Variants in CTCF observed in about 807,000 individuals in gnomAD.
CTCF encodes the protein CCCTC-binding factor, also known as transcriptional repressor CTCF.
Under a neutral mutation model 72.3 loss-of-function variants are expected in CTCF, and 7 were observed. The ratio of observed to expected loss-of-function variants is 0.10; its 90% confidence interval spans 0.06 to 0.18. CTCF has a LOEUF of 0.18. Ranked by LOEUF, CTCF falls within the 10% of genes least tolerant of loss-of-function variation. The pLI is 1.00. For synonymous variants in CTCF, 374 were observed against 315.8 expected (o/e 1.18, Z -1.95); for missense variants, 516 against 949.1 (o/e 0.54, Z 6.00).
intron 2 of CTCF, among the ~76,000 whole-genome samples, chr16:67,591,549 G>T (rs1162722945): frequency 2.0e-5 from 3 of 152,136 alleles, no homozygotes; most frequent in African/African-American, 7.2e-5. Flanking sequence ...TAAGATGATG[G>T]CGTATATGTT....
At chr16:67,591,356 C>T (rs2051741748) in intron 2 of CTCF, among the ~76,000 whole-genome samples, 1 of 152,088 alleles carries the variant, frequency 6.6e-6, no homozygotes. Flanking sequence ...TAGATGAGTG[C>T]TTTTTCAGAT....
chr16:67,624,135 G>A (rs866870816), intron 7 of CTCF, among the ~76,000 whole-genome samples: 35 of 136,914 alleles, frequency 2.6e-4, no homozygotes, highest in Non-Finnish European at 1.5e-4. Context: ...GTATATATAT[G>A]TGTGTGTGTG....
intron 10 of CTCF, among the ~76,000 whole-genome samples, chr16:67,632,548 A>G (rs531698835): frequency 8.5e-5 from 13 of 152,328 alleles, no homozygotes; most frequent in Admixed American, 3.3e-4. Context: ...TCGGCTGTCT[A>G]CAGAGATTGA....
intron 1 of CTCF, chr16:67,570,602 C>G (rs546063523): frequency 1.3e-5 from 2 of 151,512 alleles, no homozygotes; most frequent in African/African-American, 2.4e-5. Flanking sequence ...CCACCACACC[C>G]GGCTAATTTT....
At position 67,626,566 on chromosome 16, in the gene CTCF, C is replaced by T; in HGVS notation, c.1369C>T (p.Arg457Ter). The T allele has an allele frequency of 6.7e-7, 1 of 1,492,808 alleles. No individual in the cohort carries two copies. Among genetic ancestry groups the T allele is most frequent in the Non-Finnish European group, 9.0e-7 (1 of 1,114,344 alleles). The allele number at this position is 1,492,808 out of a possible 1,614,324, so 92.5% of individuals were successfully genotyped here. A position where few individuals can be genotyped will look rare whatever the true frequency, so the allele number is the denominator to read the frequency against. ...TACTGTGCTTTCAGGTGTCCACTTG[C>T]GAAAGCAGCATTCCTATATTGAGCA... ...ARKSDLGVHL[R>*]KQHSYIEQGK... Residue 457 changes from arginine to a stop codon, truncating the protein, a stop_gained, in exon 8 of 12, where the codon CGA becomes TGA. Coordinates refer to ENST00000264010, the MANE Select transcript of CTCF (RefSeq NM_006565.4). LOFTEE classifies it high-confidence loss of function.
chr16:67,628,109 A>C (rs1394629726), intron 8 of CTCF, among the ~76,000 whole-genome samples: 1 of 152,108 alleles, frequency 6.6e-6, no homozygotes, highest in Non-Finnish European at 1.5e-5. Context: ...AAAAAACAAA[A>C]AAAATTAGCC....
At chr16:67,591,470 A>T (rs2051743045) in intron 2 of CTCF, among the ~76,000 whole-genome samples, 1 of 152,092 alleles carries the variant, frequency 6.6e-6, no homozygotes, top group South Asian at 2.1e-4. Flanking sequence ...CTCATTCTTT[A>T]TTGTAGTCTA....
intron 10 of CTCF, among the ~76,000 whole-genome samples, chr16:67,631,705 T>C: frequency 8.2e-6 from 1 of 122,278 alleles, no homozygotes; most frequent in Non-Finnish European, 1.6e-5. Context: ...TTTTTTTCCT[T>C]TTTTTAAATG....
rs148391221 is a variant in CTCF, at chr16:67,575,164, G to A, written c.-10+3900G>A. Reference sequence around the variant, plus strand: ...TTCAGGAGGCTGAGGCCGGAGGATCGTCTGAGCTGAGAAGGTTGAGGTTGC... The same window carrying A: ...TTCAGGAGGCTGAGGCCGGAGGATCATCTGAGCTGAGAAGGTTGAGGTTGC... On this transcript the variant is annotated intron_variant, in intron 2 of 11. Coordinates refer to ENST00000264010, the MANE Select transcript of CTCF (RefSeq NM_006565.4). Among the ~76,000 whole-genome samples, 9 of 152,262 alleles carry A rather than the reference G, an allele frequency of 5.9e-5. No individual in the cohort carries two copies. In the East Asian group the frequency reaches 1.4e-3, roughly 23 times the overall value.
At position 67,636,569 on chromosome 16, in the gene CTCF, G is replaced by GTATATATATATA. The variant is rs66893507; in HGVS notation, c.1838-111_1838-100dup. 578 of 244,692 alleles carry GTATATATATATA rather than the reference G, an allele frequency of 2.4e-3. 4 individuals carry two copies. The highest frequency in any genetic ancestry group is 0.014 in the African/African-American group (551 of 38,878). 15.2% of individuals were successfully genotyped at this position (244,692 alleles called of 1,614,324 possible). On this transcript the variant is annotated intron_variant, in intron 10 of 11. Coordinates refer to ENST00000264010, the MANE Select transcript of CTCF (RefSeq NM_006565.4). ...TCAAAAAAAAAAAAAGAAAGAAAGT[G>GTATATATATATA]TATATATATATATATATATATTTAT... is the stretch of plus-strand genomic sequence containing the variant.
At chr16:67,631,165 G>GTTTTTTTTTT (rs931210083) in intron 10 of CTCF, among the ~76,000 whole-genome samples, 3 of 131,128 alleles carry the variant, frequency 2.3e-5, no homozygotes, top group African/African-American at 6.2e-5. Context: ...TTTTTTTTTT[G>GTTTTTTTTTT]TTTTTTGTTT....
chr16:67,601,061 T>C (rs1219232588), intron 2 of CTCF, among the ~76,000 whole-genome samples: 1 of 152,058 alleles, frequency 6.6e-6, no homozygotes, highest in African/African-American at 2.4e-5. Flanking sequence ...TTGGAGCTGC[T>C]AGTGTCGGGA....
intron 2 of CTCF, among the ~76,000 whole-genome samples, chr16:67,601,258 TG>T (rs758789045): frequency 2.0e-3 from 268 of 134,156 alleles, no homozygotes; most frequent in African/African-American, 6.8e-3. Context: ...GTGTGTGTTT[TG>T]TTTTGTTTTT....
intron 9 of CTCF, among the ~76,000 whole-genome samples, chr16:67,628,842 C>T (rs1367522175): frequency 1.3e-5 from 2 of 152,098 alleles, no homozygotes; most frequent in Non-Finnish European, 2.9e-5. Flanking sequence ...GGGTGGATCA[C>T]GAGGTCAGGA....
intron 10 of CTCF, 48 bp from the exon 11 acceptor site, chr16:67,636,642 C>T (rs757932597): frequency 7.0e-7 from 1 of 1,419,344 alleles, no homozygotes; most frequent in South Asian, 1.5e-5. Context: ...CATCTTCCAC[C>T]ACCCTTCTCC....
intron 1 of CTCF, chr16:67,564,040 C>G (rs1198656279): frequency 6.6e-6 from 1 of 152,194 alleles, no homozygotes; most frequent in Non-Finnish European, 1.5e-5. Flanking sequence ...CTTCCTGTAG[C>G]CCCGAGTTCA....
intron 2 of CTCF, among the ~76,000 whole-genome samples, chr16:67,603,752 T>C (rs1316407918): frequency 7.1e-6 from 1 of 140,946 alleles, no homozygotes; most frequent in Non-Finnish European, 1.5e-5. Context: ...GTTAACCCAG[T>C]AGGTGGAGCT....
intron 2 of CTCF, among the ~76,000 whole-genome samples, chr16:67,610,344 CTTTTTCTTTTTTTTTT>C (rs2052044430): frequency 7.3e-6 from 1 of 137,024 alleles, no homozygotes; most frequent in Non-Finnish European, 1.6e-5. Flanking sequence ...GTGGTTTTTT[CTTTTTCTTTTTTTTTT>C]TTTTTTTTTT....
chr16:67,603,340 T>C (rs2051922823), intron 2 of CTCF, among the ~76,000 whole-genome samples: 1 of 151,798 alleles, frequency 6.6e-6, no homozygotes, highest in Non-Finnish European at 1.5e-5. Context: ...CCATCCTGCC[T>C]AACATGGTGA....
Sources: gnomAD v4.1 joint callset for allele counts (sites outside exome capture counted in the v4.1 genomes callset) on GRCh38, gnomAD v4.1.1 for gene constraint, MANE v1.5 for transcripts, NCBI Gene and HGNC (gene_info 2026-07-23, HGNC 2026-07-21) for gene names.